The following HMGB1 variants were observed in gnomAD, a reference collection of about 807,000 sequenced individuals.
HMGB1 encodes the protein high mobility group protein B1.
For synonymous variants in HMGB1, 81 were observed against 84.0 expected (o/e 0.96, Z 0.19); for missense variants, 79 against 253.5 (o/e 0.31, Z 4.67).
rs10590461 is a variant in HMGB1 at position 30,503,647 on chromosome 13, CTT to C, written c.-14-39955_-14-39954del. Among the ~76,000 whole-genome samples, 580 of 106,290 alleles carry C rather than the reference CTT, an allele frequency of 5.5e-3. 3 individuals carry two copies. The highest frequency in any genetic ancestry group is 0.016 in the African/African-American group (440 of 27,964). The allele number at this position is 106,290 out of a possible 152,430, so 69.7% of individuals were successfully genotyped here. Reference sequence around the variant, plus strand: ...TAGGGTCACCGATCCTACTCAGCTTCTTTTTTTTTTTTTTTTTTTTTTTGAGA... The same window carrying C: ...TAGGGTCACCGATCCTACTCAGCTTCTTTTTTTTTTTTTTTTTTTTTGAGA... On this transcript the variant is annotated intron_variant, in intron 1 of 4. Coordinates refer to the HMGB1 transcript ENST00000405805.
intron 1 of HMGB1, among the ~76,000 whole-genome samples, chr13:30,608,620 T>C (rs1228500771): frequency 6.6e-6 from 1 of 152,212 alleles, no homozygotes; most frequent in Non-Finnish European, 1.5e-5. Flanking sequence ...ATTTGGGATT[T>C]GGCTGACTGA....
intron 1 of HMGB1, among the ~76,000 whole-genome samples, chr13:30,515,397 G>A (rs1481672493): frequency 6.6e-6 from 1 of 152,128 alleles, no homozygotes; most frequent in African/African-American, 2.4e-5. Flanking sequence ...GTGCTAATAC[G>A]TGGGTGCTGC....
chr13:30,546,848 C>T (rs778398355), intron 1 of HMGB1, among the ~76,000 whole-genome samples: 1 of 152,158 alleles, frequency 6.6e-6, no homozygotes, highest in East Asian at 1.9e-4. Flanking sequence ...ACCGTGAATC[C>T]ACCTTTAGGG....
At chr13:30,561,893 G>T (rs1054834263) in intron 1 of HMGB1, among the ~76,000 whole-genome samples, 1 of 152,062 alleles carries the variant, frequency 6.6e-6, no homozygotes, top group Non-Finnish European at 1.5e-5. Flanking sequence ...TGAGGGAGGG[G>T]CCAGAAGGAC....
intron 1 of HMGB1, chr13:30,554,089 G>C: frequency 7.7e-7 from 1 of 1,294,014 alleles, no homozygotes; most frequent in East Asian, 2.3e-5. Context: ...AAAGAAACGG[G>C]ATTCAATGTG....
chr13:30,516,628 A>G (rs1352226701), intron 1 of HMGB1, among the ~76,000 whole-genome samples: 1 of 152,234 alleles, frequency 6.6e-6, no homozygotes, highest in Non-Finnish European at 1.5e-5. Flanking sequence ...GTAGAAAAAT[A>G]GAATCAGGGC....
chr13:30,530,878 C>T lies in HMGB1; in HGVS notation c.-14-67184G>A, dbSNP rs537623273. Among the ~76,000 whole-genome samples, 8 of 152,170 alleles carry T rather than the reference C, an allele frequency of 5.3e-5. No homozygotes were observed. In the South Asian group the frequency reaches 1.2e-3, roughly 24 times the overall value. On this transcript the variant is annotated intron_variant, in intron 1 of 4. Coordinates refer to the HMGB1 transcript ENST00000405805. ...CCTGGCCAACATAACGAAATCCTGT[C>T]TCTACAAAAAATACAAAAATTAGCT... is the stretch of plus-strand genomic sequence containing the variant.
chr13:30,535,555 T>C (rs1433161506), intron 1 of HMGB1, among the ~76,000 whole-genome samples: 1 of 152,190 alleles, frequency 6.6e-6, no homozygotes, highest in African/African-American at 2.4e-5. Flanking sequence ...ATACCATGCT[T>C]ATTGTATCTT....
chr13:30,484,426 C>G (rs1229041553), intron 1 of HMGB1, among the ~76,000 whole-genome samples: 10 of 152,210 alleles, frequency 6.6e-5, no homozygotes, highest in Non-Finnish European at 1.5e-4. Flanking sequence ...GCTACTAAAA[C>G]TGAGTGAAGC....
At chr13:30,605,407 G>C (rs1425720989) in intron 1 of HMGB1, among the ~76,000 whole-genome samples, 1 of 152,190 alleles carries the variant, frequency 6.6e-6, no homozygotes, top group Non-Finnish European at 1.5e-5. Flanking sequence ...GTTTAAAAAA[G>C]AGGAGGAACC....
intron 1 of HMGB1, among the ~76,000 whole-genome samples, chr13:30,491,449 TG>T (rs1252722512): frequency 7.0e-6 from 1 of 143,816 alleles, no homozygotes; most frequent in Non-Finnish European, 1.5e-5. Context: ...TTCAGGAGGC[TG>T]AGGCAGGCGG....
chr13:30,538,458 CTT>C (rs1248555831), intron 1 of HMGB1, among the ~76,000 whole-genome samples: 2 of 70,198 alleles, frequency 2.8e-5, no homozygotes, highest in Non-Finnish European at 2.6e-5. Context: ...GCAATTCTTT[CTT>C]TCTTTCTTTC....
At chr13:30,589,129 C>A (rs1566033908) in intron 1 of HMGB1, among the ~76,000 whole-genome samples, 1 of 151,500 alleles carries the variant, frequency 6.6e-6, no homozygotes, top group Non-Finnish European at 1.5e-5. Flanking sequence ...CCTCAGCCTC[C>A]CGAGTAGCTG....
At chr13:30,554,697 A>G in intron 1 of HMGB1, 1 of 770,992 alleles carries the variant, frequency 1.3e-6, no homozygotes, top group Non-Finnish European at 2.4e-6. Flanking sequence ...GAACAGTGAG[A>G]ATGCTCTACG....
At chr13:30,561,389 A>C (rs1201640631) in intron 1 of HMGB1, among the ~76,000 whole-genome samples, 1 of 152,194 alleles carries the variant, frequency 6.6e-6, no homozygotes, top group African/African-American at 2.4e-5. Context: ...ACAGACATTA[A>C]GTGGGGCTGT....
At chr13:30,571,501 G>A (rs914178070) in intron 1 of HMGB1, among the ~76,000 whole-genome samples, 9 of 152,134 alleles carry the variant, frequency 5.9e-5, no homozygotes, top group East Asian at 3.9e-4. Context: ...TCACCATGCT[G>A]GCCAGGCTGG....
chr13:30,495,604 G>A (rs183686635), intron 1 of HMGB1, among the ~76,000 whole-genome samples: 150 of 151,402 alleles, frequency 9.9e-4, no homozygotes, highest in African/African-American at 3.1e-3. Context: ...TCAGCCTCCC[G>A]AATAGTTGGG....
chr13:30,597,695 A>G (rs1043204178), intron 1 of HMGB1, among the ~76,000 whole-genome samples: 2 of 152,226 alleles, frequency 1.3e-5, no homozygotes, highest in African/African-American at 4.8e-5. Flanking sequence ...TTTTTCTGCA[A>G]AAGGTCAGAT....
At chr13:30,590,119 G>A (rs527660073) in intron 1 of HMGB1, among the ~76,000 whole-genome samples, 41 of 152,114 alleles carry the variant, frequency 2.7e-4, no homozygotes, top group African/African-American at 9.9e-4. Context: ...ACAAAGGGCT[G>A]TAAGGTAGCA....
Sources: gnomAD v4.1 joint callset for allele counts (sites outside exome capture counted in the v4.1 genomes callset) on GRCh38, gnomAD v4.1.1 for gene constraint, MANE v1.5 for transcripts, NCBI Gene and HGNC (gene_info 2026-07-23, HGNC 2026-07-21) for gene names.